KCNIP1: variants seen among roughly 807,000 people sequenced by gnomAD.
KCNIP1 encodes the protein potassium voltage-gated channel interacting protein 1.
Under a neutral mutation model 33.0 loss-of-function variants are expected in KCNIP1, and 18 were observed. That is an observed-to-expected ratio of 0.55 (90% CI 0.38 to 0.81). The LOEUF (loss-of-function observed/expected upper bound fraction) is 0.81, where lower values mean the gene tolerates loss of function less well. Ranked by LOEUF, KCNIP1 falls within the 30% of genes least tolerant of loss-of-function variation. KCNIP1 has a pLI of 0.00. For missense variants in KCNIP1, 238 were observed against 271.6 expected, an observed-to-expected ratio of 0.88 and a Z score of 0.87; for synonymous variants, 93 against 98.3, an observed-to-expected ratio of 0.95 and a Z score of 0.32.
chr5:170,439,740 C>T (rs1755946154), intron 1 of KCNIP1, among the ~76,000 whole-genome samples: 1 of 152,238 alleles, frequency 6.6e-6, no homozygotes, highest in African/African-American at 2.4e-5. Context: ...GCAACATTCC[C>T]CTTCCCCAGG....
At chr5:170,483,588 C>A (rs1253263111) in intron 1 of KCNIP1, among the ~76,000 whole-genome samples, 1 of 152,210 alleles carries the variant, frequency 6.6e-6, no homozygotes, top group Non-Finnish European at 1.5e-5. Context: ...GACAACTCTA[C>A]AATCAGTCAC....
upstream of KCNIP1, among the ~76,000 whole-genome samples, chr5:170,502,521 C>T (rs1280155050): frequency 6.6e-6 from 1 of 152,148 alleles, no homozygotes. Flanking sequence ...GTGTGTGCGT[C>T]TGCATGCCTG....
rs944995432 is a variant in KCNIP1 at position 170,417,981 on chromosome 5, G to A, written c.88+64017G>A. Among the ~76,000 whole-genome samples, 9 of 152,102 alleles carry A rather than the reference G, an allele frequency of 5.9e-5. No individual in the cohort carries two copies. In the South Asian group the frequency reaches 8.3e-4, roughly 14 times the overall value. On this transcript the variant is annotated intron_variant, in intron 1 of 7. Coordinates refer to the KCNIP1 transcript ENST00000377360. The stretch of plus-strand genomic sequence containing the variant: ...GCCCACCACAGGAGTCTTATTTTGT[G>A]CTGCCACGTTAAATTCTCTCTTCCA...
chr5:170,652,964 A>G (rs1309044687), intron 1 of KCNIP1, among the ~76,000 whole-genome samples: 1 of 152,208 alleles, frequency 6.6e-6, no homozygotes, highest in African/African-American at 2.4e-5. Context: ...TGGAGCTGAC[A>G]TTTAGGTTGA....
intron 1 of KCNIP1, among the ~76,000 whole-genome samples, chr5:170,467,808 C>T (rs559473719): frequency 7.2e-4 from 108 of 150,540 alleles, no homozygotes; most frequent in African/African-American, 2.6e-3. Flanking sequence ...GTCCCAGCTA[C>T]TCAGGAGGCT....
intron 1 of KCNIP1, among the ~76,000 whole-genome samples, chr5:170,361,194 A>T (rs1161473401): frequency 1.3e-5 from 2 of 152,172 alleles, no homozygotes; most frequent in African/African-American, 2.4e-5. Flanking sequence ...CCCCACCCAG[A>T]AGTGCAGGAG....
intron 1 of KCNIP1, among the ~76,000 whole-genome samples, chr5:170,581,119 T>C (rs1287439214): frequency 6.6e-6 from 1 of 152,164 alleles, no homozygotes; most frequent in Admixed American, 6.5e-5. Context: ...GCTGTCTTCT[T>C]AGCCTGGGAT....
At chr5:170,427,006 G>A (rs1019748804) in intron 1 of KCNIP1, among the ~76,000 whole-genome samples, 1 of 152,258 alleles carries the variant, frequency 6.6e-6, no homozygotes, top group Admixed American at 6.5e-5. Context: ...CCTCCTTTCA[G>A]GGGTGGGGAG....
intron 1 of KCNIP1, among the ~76,000 whole-genome samples, chr5:170,642,621 T>A (rs975380712): frequency 1.1e-4 from 17 of 152,170 alleles, no homozygotes; most frequent in Non-Finnish European, 2.1e-4. Flanking sequence ...AAAGGACAGA[T>A]GCGGGGAATC....
At chr5:170,479,594 CAA>C (rs1245875658) in intron 1 of KCNIP1, among the ~76,000 whole-genome samples, 66 of 152,300 alleles carry the variant, frequency 4.3e-4, no homozygotes, top group African/African-American at 1.5e-3. Context: ...TAGTAAAATG[CAA>C]GCTCAGCATG....
At chr5:170,492,899 A>G (rs1035875604) in intron 1 of KCNIP1, among the ~76,000 whole-genome samples, 15 of 152,112 alleles carry the variant, frequency 9.9e-5, no homozygotes, top group Non-Finnish European at 1.5e-4. Context: ...ACAGGTGCCC[A>G]CCACCATGCC....
intron 1 of KCNIP1, among the ~76,000 whole-genome samples, chr5:170,577,614 A>G (rs1307526927): frequency 1.3e-5 from 2 of 152,236 alleles, no homozygotes; most frequent in Admixed American, 1.3e-4. Context: ...AAACAAAGAA[A>G]CAGTGTTTTC....
intron 1 of KCNIP1, among the ~76,000 whole-genome samples, chr5:170,456,570 C>A (rs1756380463): frequency 6.6e-6 from 1 of 151,768 alleles, no homozygotes; most frequent in Non-Finnish European, 1.5e-5. Context: ...CTAAAGCAAG[C>A]AGAAGGAAGA....
intron 1 of KCNIP1, among the ~76,000 whole-genome samples, chr5:170,544,175 G>A (rs1756321569): frequency 6.6e-6 from 1 of 152,090 alleles, no homozygotes; most frequent in Non-Finnish European, 1.5e-5. Flanking sequence ...CACTTTGGGA[G>A]GCCGAGGCCA....
intron 1 of KCNIP1, among the ~76,000 whole-genome samples, chr5:170,702,044 A>G (rs1390048757): frequency 6.6e-6 from 1 of 152,182 alleles, no homozygotes; most frequent in East Asian, 1.9e-4. Context: ...CGGTTCCCCT[A>G]AAAACCTATG....
At chr5:170,412,547 T>G (rs371479046) in intron 1 of KCNIP1, among the ~76,000 whole-genome samples, 5 of 152,124 alleles carry the variant, frequency 3.3e-5, no homozygotes, top group East Asian at 3.9e-4. Flanking sequence ...CATCCAGAAA[T>G]GTGACTTCTG....
chr5:170,558,238 G>T (rs1352739893), intron 1 of KCNIP1, among the ~76,000 whole-genome samples: 2 of 152,122 alleles, frequency 1.3e-5, no homozygotes, highest in African/African-American at 4.8e-5. Flanking sequence ...GCCATCTAAG[G>T]TCAGAAGGCT....
intron 1 of KCNIP1, among the ~76,000 whole-genome samples, chr5:170,451,014 GA>G (rs1049648697): frequency 3.6e-4 from 55 of 152,242 alleles, no homozygotes; most frequent in African/African-American, 1.1e-3. Flanking sequence ...TCACAACCTT[GA>G]AAAAGTTTGT....
At chr5:170,697,547 T>A (rs553271194) in intron 1 of KCNIP1, among the ~76,000 whole-genome samples, 1 of 152,184 alleles carries the variant, frequency 6.6e-6, no homozygotes, top group African/African-American at 2.4e-5. Context: ...GTACATGAAA[T>A]TGAGTCCCCC....
Sources: allele counts gnomAD v4.1 joint callset (sites outside exome capture counted in the v4.1 genomes callset), GRCh38; gene constraint gnomAD v4.1.1; transcripts MANE v1.5; gene names NCBI Gene and HGNC (gene_info 2026-07-23, HGNC 2026-07-21).